TTC17: variants seen among roughly 807,000 people sequenced by gnomAD.
TTC17 encodes tetratricopeptide repeat protein 17.
Under a neutral mutation model 143.8 loss-of-function variants are expected in TTC17, and 58 were observed. The observed-to-expected ratio is 0.40, with a 90% CI of 0.33 to 0.50. TTC17 has a LOEUF of 0.50. Among genes scored for constraint, TTC17 ranks in the 20% least tolerant of loss-of-function variants. TTC17 has a pLI of 0.49. For missense variants in TTC17, 1,273 were observed against 1,392.5 expected, an observed-to-expected ratio of 0.91 and a Z score of 1.37; for synonymous variants, 501 against 497.8, an observed-to-expected ratio of 1.01 and a Z score of -0.09.
In TTC17 at chr11:43,426,418, G is replaced by A. The variant is rs1245672261; in HGVS notation, c.2251+11642G>A. ...TGCTTTTCACTTTCCCCTTGATCAT[G>A]CATTGGCCATATTTACTTACGGGTA... On this transcript the variant is annotated intron_variant, in intron 16 of 23. Transcript: ENST00000039989. Among the ~76,000 whole-genome samples the A allele has an allele frequency of 2.0e-5, 3 of 152,326 alleles. No homozygotes were observed. The East Asian group carries it at 5.8e-4, about 29-fold the overall frequency.
intron 10 of TTC17, among the ~76,000 whole-genome samples, chr11:43,403,191 A>C (rs1857951047): frequency 6.6e-6 from 1 of 152,108 alleles, no homozygotes; most frequent in South Asian, 2.1e-4. Flanking sequence ...AACCCAATAC[A>C]CCTTTTGGAC....
At chr11:43,366,056 C>A (rs1856327851) in intron 1 of TTC17, among the ~76,000 whole-genome samples, 1 of 151,522 alleles carries the variant, frequency 6.6e-6, no homozygotes, top group Non-Finnish European at 1.5e-5. Flanking sequence ...TCTCGGCTCA[C>A]TACAACCTCC....
At chr11:43,389,306 T>C (rs1318734630) in intron 2 of TTC17, among the ~76,000 whole-genome samples, 1 of 152,322 alleles carries the variant, frequency 6.6e-6, no homozygotes, top group South Asian at 2.1e-4. Flanking sequence ...ACATGTACTA[T>C]GTCTTGAAGG....
At chr11:43,448,451 G>A (rs952803519) in intron 19 of TTC17, among the ~76,000 whole-genome samples, 14 of 152,128 alleles carry the variant, frequency 9.2e-5, no homozygotes, top group African/African-American at 3.4e-4. Context: ...AGTTGTAAGG[G>A]AGCCAGAGCA....
At chr11:43,379,124 G>A (rs1040679770) in intron 1 of TTC17, 109 bp from the exon 2 acceptor site, 93 of 1,012,558 alleles carry the variant, frequency 9.2e-5, no homozygotes, top group Non-Finnish European at 1.3e-4. Context: ...GAGGAATAAC[G>A]CTGATTACAA....
chr11:43,490,127 A>G (rs748655596), intron 21 of TTC17, 112 bp from the exon 22 acceptor site: 2 of 1,438,412 alleles, frequency 1.4e-6, no homozygotes, highest in Admixed American at 4.3e-5. Flanking sequence ...GAGTGCCAGC[A>G]CTTAGTAAAT....
chr11:43,458,894 ACTGTGT>A (rs1947812971), intron 21 of TTC17, among the ~76,000 whole-genome samples: 1 of 152,144 alleles, frequency 6.6e-6, no homozygotes, highest in African/African-American at 2.4e-5. Flanking sequence ...TTAATCTCTT[ACTGTGT>A]CTAATTTATA....
intron 1 of TTC17, among the ~76,000 whole-genome samples, chr11:43,378,722 T>C (rs1232819702): frequency 6.6e-6 from 1 of 152,244 alleles, no homozygotes; most frequent in Non-Finnish European, 1.5e-5. Flanking sequence ...CATAATTGTT[T>C]GATTTGTTGA....
At position 43,423,904 on chromosome 11, in the gene TTC17, C is replaced by G. The variant is rs546769768; in HGVS notation, c.2251+9128C>G. On this transcript the variant is annotated intron_variant, in intron 16 of 23. Coordinates refer to ENST00000039989, the MANE Select transcript of TTC17 (RefSeq NM_018259.6). ...TCTATAAAATGAGGAAATAGCTACA[C>G]TAAAACAACATTAATAAATTTTAGA... is the stretch of plus-strand genomic sequence containing the variant. Among the ~76,000 whole-genome samples, 41 of 152,122 alleles carry G rather than the reference C, an allele frequency of 2.7e-4. 1 individual carries two copies. The highest frequency in any genetic ancestry group is 9.2e-4 in the Admixed American group (14 of 15,270).
At chr11:43,370,992 G>T (rs1344415695) in intron 1 of TTC17, among the ~76,000 whole-genome samples, 1 of 147,314 alleles carries the variant, frequency 6.8e-6, no homozygotes, top group Non-Finnish European at 1.5e-5. Flanking sequence ...TGTAGAGATG[G>T]GGTTTTGCTA....
intron 16 of TTC17, among the ~76,000 whole-genome samples, chr11:43,436,594 A>G (rs17594120): frequency 0.15 from 22,810 of 152,128 alleles, 2,388 homozygotes; most frequent in Non-Finnish European, 0.22. Flanking sequence ...ATATTGAGTA[A>G]ATCATTATAA....
chr11:43,424,986 G>A (rs987549733), intron 16 of TTC17, among the ~76,000 whole-genome samples: 2 of 152,128 alleles, frequency 1.3e-5, no homozygotes, highest in African/African-American at 4.8e-5. Context: ...ACTGAAGGGG[G>A]CTGACTTCTT....
chr11:43,461,309 G>A (rs1187898548), intron 21 of TTC17, among the ~76,000 whole-genome samples: 5 of 150,932 alleles, frequency 3.3e-5, no homozygotes, highest in African/African-American at 1.2e-4. Flanking sequence ...GCGTGAACCC[G>A]GGAAGCGGAG....
chr11:43,435,077 T>TAGATAGATA (rs929474239), intron 16 of TTC17: 18 of 144,508 alleles, frequency 1.2e-4, no homozygotes, highest in South Asian at 2.3e-4. Context: ...ACAGATAAGA[T>TAGATAGATA]GATAGATAGA....
At chr11:43,411,998 AG>A (rs1424789219) in intron 15 of TTC17, among the ~76,000 whole-genome samples, 2 of 152,212 alleles carry the variant, frequency 1.3e-5, no homozygotes, top group Non-Finnish European at 2.9e-5. Flanking sequence ...AAACATTCTT[AG>A]ATCTTTTTAA....
intron 13 of TTC17, 98 bp downstream of exon 13, chr11:43,406,049 G>T: frequency 7.4e-7 from 1 of 1,342,528 alleles, no homozygotes; most frequent in Non-Finnish European, 1.0e-6. Flanking sequence ...TAGCTGTTGA[G>T]CTTTAAGTGT....
At chr11:43,469,552 A>G (rs1367646518) in intron 21 of TTC17, among the ~76,000 whole-genome samples, 1 of 152,230 alleles carries the variant, frequency 6.6e-6, no homozygotes, top group Non-Finnish European at 1.5e-5. Context: ...CATCCACAAC[A>G]TTGACGAATC....
intron 1 of TTC17, 102 bp downstream of exon 1, chr11:43,359,215 G>C: frequency 2.9e-6 from 4 of 1,387,482 alleles, no homozygotes; most frequent in Non-Finnish European, 3.8e-6. Flanking sequence ...CCCGCCCCCA[G>C]CCTACCCTCA....
At chr11:43,389,907 G>A in intron 3 of TTC17, 86 bp downstream of exon 3, 1 of 1,257,612 alleles carries the variant, frequency 8.0e-7, no homozygotes, top group Non-Finnish European at 1.1e-6. Flanking sequence ...CTGTAATAAG[G>A]GTAAGCTTCA....
Sources: gnomAD v4.1 joint callset for allele counts (sites outside exome capture counted in the v4.1 genomes callset) on GRCh38, gnomAD v4.1.1 for gene constraint, MANE v1.5 for transcripts, NCBI Gene and HGNC (gene_info 2026-07-23, HGNC 2026-07-21) for gene names.